RBBP8: variants seen among roughly 807,000 people sequenced by gnomAD.
RBBP8 encodes RB binding protein 8, endonuclease.
RBBP8 carries 88 observed loss-of-function variants against 108.3 expected under a neutral mutation model. The observed-to-expected ratio is 0.81, with a 90% CI of 0.68 to 0.97. RBBP8 has a LOEUF of 0.97. RBBP8 is among the 50% of genes least tolerant of loss of function. The probability of loss-of-function intolerance (pLI) is 0.00; values close to 1 mark genes in which losing one functional copy is unlikely to be tolerated. For missense variants in RBBP8, 1,023 were observed against 1,049.0 expected (o/e 0.98, Z 0.34); for synonymous variants, 332 against 348.2 (o/e 0.95, Z 0.52).
intron 2 of RBBP8, among the ~76,000 whole-genome samples, chr18:22,945,413 G>A (rs1048035244): frequency 6.6e-6 from 1 of 151,796 alleles, no homozygotes; most frequent in Admixed American, 6.6e-5. Context: ...TTCAGACGGA[G>A]TTTCGCTCTT....
chr18:22,929,767 T>C (rs1422577953), upstream of RBBP8, among the ~76,000 whole-genome samples: 3 of 152,142 alleles, frequency 2.0e-5, no homozygotes, highest in Non-Finnish European at 4.4e-5. Context: ...ATCACACTTG[T>C]GGAGCTCAAT....
intron 7 of RBBP8, among the ~76,000 whole-genome samples, chr18:22,983,693 T>G (rs1915111791): frequency 6.6e-6 from 1 of 152,284 alleles, no homozygotes; most frequent in African/African-American, 2.4e-5. Context: ...GAAATTTAAT[T>G]CACTTGCTTT....
intron 2 of RBBP8, among the ~76,000 whole-genome samples, chr18:22,915,921 G>A (rs1909338006): frequency 6.6e-6 from 1 of 151,870 alleles, no homozygotes; most frequent in East Asian, 1.9e-4. Flanking sequence ...TTTGGGAGAG[G>A]ATTTTACAAT....
At chr18:22,956,501 C>T (rs1251856609) in intron 4 of RBBP8, among the ~76,000 whole-genome samples, 1 of 152,120 alleles carries the variant, frequency 6.6e-6, no homozygotes, top group Non-Finnish European at 1.5e-5. Context: ...CCATGCCTGG[C>T]TAATTTTTTT....
intron 10 of RBBP8, 102 bp from the exon 11 acceptor site, chr18:22,992,646 C>A: frequency 1.1e-6 from 1 of 949,184 alleles, no homozygotes; most frequent in Non-Finnish European, 1.6e-6. Flanking sequence ...AAGCCAAAAG[C>A]TGTACCTTGT....
chr18:22,959,393 GT>G (rs1912872496), intron 4 of RBBP8, among the ~76,000 whole-genome samples: 1 of 151,916 alleles, frequency 6.6e-6, no homozygotes, highest in South Asian at 2.1e-4. Context: ...ATTTTTCCTT[GT>G]TCTGATCAAC....
At chr18:23,016,731 A>G in intron 16 of RBBP8, 97 bp from the exon 17 acceptor site, 1 of 945,306 alleles carries the variant, frequency 1.1e-6, no homozygotes, top group Non-Finnish European at 1.7e-6. Flanking sequence ...TTTCTAACAT[A>G]CTGAATAAAC....
intron 15 of RBBP8, 148 bp from the exon 16 acceptor site, chr18:23,006,215 C>A: frequency 1.4e-6 from 1 of 692,738 alleles, no homozygotes; most frequent in Non-Finnish European, 2.5e-6. Context: ...TACAAAGTTG[C>A]AGAAAATTTA....
At chr18:23,017,420 A>G (rs1251632518) in intron 17 of RBBP8, among the ~76,000 whole-genome samples, 3 of 151,684 alleles carry the variant, frequency 2.0e-5, no homozygotes, top group African/African-American at 7.3e-5. Flanking sequence ...TTGGGAGGCC[A>G]AGGCGGGCGG....
At chr18:23,007,064 C>T (rs1286813269) in intron 16 of RBBP8, among the ~76,000 whole-genome samples, 22 of 149,192 alleles carry the variant, frequency 1.5e-4, no homozygotes, top group African/African-American at 2.5e-4. Context: ...TCTGTTGCCC[C>T]GGCTGGAGTA....
rs568890608 is a variant in RBBP8, at chr18:22,956,193, A to T, written c.248+6480A>T. Among the ~76,000 whole-genome samples the T allele has an allele frequency of 3.3e-5, 5 of 152,104 alleles. No homozygotes were observed. In the South Asian group the frequency reaches 1.0e-3, roughly 31 times the overall value. On this transcript the variant is annotated intron_variant, in intron 4 of 18. Transcript: ENST00000327155. ...TTGGTGAATTTCTGCTTTATTTAAA[A>T]TTTTCTTTTAGTTCTATGTCATATG...
intron 14 of RBBP8, 115 bp downstream of exon 14, chr18:22,997,849 T>C (rs1019446217): frequency 2.1e-5 from 16 of 766,898 alleles, no homozygotes; most frequent in Non-Finnish European, 3.4e-5. Flanking sequence ...GGTTTTTTCC[T>C]GCTCTGTTAA....
chr18:22,933,097 T>C (rs1910141516), upstream of RBBP8, among the ~76,000 whole-genome samples: 1 of 152,348 alleles, frequency 6.6e-6, no homozygotes, highest in East Asian at 1.9e-4. Flanking sequence ...CCGCAAGGGC[T>C]TGATGCTCCC....
intron 16 of RBBP8, among the ~76,000 whole-genome samples, chr18:23,007,809 GT>G (rs1355758367): frequency 6.7e-6 from 1 of 148,934 alleles, no homozygotes; most frequent in Non-Finnish European, 1.5e-5. Flanking sequence ...AGCATGTTTT[GT>G]TTTTTTGGTT....
chr18:22,965,559 G>A (rs1010037948), intron 4 of RBBP8, among the ~76,000 whole-genome samples: 3 of 152,116 alleles, frequency 2.0e-5, no homozygotes, highest in African/African-American at 7.2e-5. Flanking sequence ...AATTTGGTGT[G>A]TATATATATT....
At chr18:23,001,364 A>G (rs1024637150) in intron 14 of RBBP8, among the ~76,000 whole-genome samples, 5 of 152,262 alleles carry the variant, frequency 3.3e-5, no homozygotes, top group Non-Finnish European at 7.3e-5. Flanking sequence ...GGTTTGTAAC[A>G]TAGATAAACA....
At chr18:22,922,562 A>C (rs1385445093) in intron 3 of RBBP8, among the ~76,000 whole-genome samples, 2 of 152,166 alleles carry the variant, frequency 1.3e-5, no homozygotes, top group Non-Finnish European at 2.9e-5. Context: ...TCCCAGGCTG[A>C]AACAATCCTC....
chr18:22,984,901 C>G lies in RBBP8; in HGVS notation c.620C>G (p.Ser207Cys). The G allele has an allele frequency of 1.0e-5, 16 of 1,602,906 alleles. No homozygotes were observed. The highest frequency in any genetic ancestry group is 1.3e-5 in the African/African-American group (1 of 74,762). Residue 207 changes from serine to cysteine, a missense_variant, in exon 8 of 19, where the codon TCC (serine) becomes TGC (cysteine). Transcript: ENST00000327155. ...CTCCCCTTAGAAATGAGAAAAGTTT[C>G]CAAGTCTTCAACTCATCCACAACAT... ...SVCANEMRKV[S>C]KSSTHPQHNP... is the part of the protein sequence containing the mutation.
At chr18:23,009,164 A>G (rs1452642226) in intron 16 of RBBP8, among the ~76,000 whole-genome samples, 1 of 152,108 alleles carries the variant, frequency 6.6e-6, no homozygotes, top group Non-Finnish European at 1.5e-5. Flanking sequence ...AAACTCCTCT[A>G]TCTTACATCT....
Sources: allele counts gnomAD v4.1 joint callset (sites outside exome capture counted in the v4.1 genomes callset), GRCh38; gene constraint gnomAD v4.1.1; transcripts MANE v1.5; gene names NCBI Gene and HGNC (gene_info 2026-07-23, HGNC 2026-07-21).